ALDH1A1: variants seen among roughly 807,000 people sequenced by gnomAD.
ALDH1A1 encodes aldehyde dehydrogenase 1A1.
A neutral mutation model predicts 62.1 loss-of-function variants in ALDH1A1; 19 were observed. The ratio of observed to expected loss-of-function variants is 0.31; its 90% CI spans 0.21 to 0.45. The LOEUF (loss-of-function observed/expected upper bound fraction) is 0.45, where lower values mean the gene tolerates loss of function less well. Ranked by LOEUF, ALDH1A1 falls within the 20% of genes least tolerant of loss-of-function variation. The pLI, the probability that ALDH1A1 is intolerant of heterozygous loss-of-function variation, is 1.00. For missense variants in ALDH1A1, 521 were observed against 607.1 expected (o/e 0.86, Z 1.49); for synonymous variants, 231 against 215.9 (o/e 1.07, Z -0.61).
chr9:72,950,345 A>C (rs1830530017), intron 1 of ALDH1A1, among the ~76,000 whole-genome samples: 1 of 151,926 alleles, frequency 6.6e-6, no homozygotes, highest in Admixed American at 6.6e-5. Flanking sequence ...GCTCAATAAA[A>C]TGGAAAATGT....
chr9:72,922,007 G>A (rs1045816802), intron 7 of ALDH1A1, among the ~76,000 whole-genome samples: 6 of 152,056 alleles, frequency 3.9e-5, no homozygotes, highest in African/African-American at 1.4e-4. Context: ...GGAATGAAAA[G>A]ATACATGGAA....
intron 8 of ALDH1A1, among the ~76,000 whole-genome samples, chr9:72,918,338 C>A (rs1564628434): frequency 6.6e-6 from 1 of 152,164 alleles, no homozygotes; most frequent in Non-Finnish European, 1.5e-5. Context: ...TGTGAAACTG[C>A]TGTCTCCTCA....
intron 9 of ALDH1A1, 134 bp from the exon 10 acceptor site, chr9:72,912,256 C>T: frequency 1.5e-6 from 1 of 668,160 alleles, no homozygotes; most frequent in South Asian, 2.0e-5. Flanking sequence ...AAACAGCTAA[C>T]AGAGGTTCAG....
intron 2 of ALDH1A1, among the ~76,000 whole-genome samples, chr9:72,935,878 T>C (rs8187906): frequency 0.031 from 4,701 of 152,310 alleles, 123 homozygotes; most frequent in Middle Eastern, 0.075. Flanking sequence ...TTACTAGATT[T>C]GTACCTTTCA....
At chr9:72,910,691 T>C (rs917904919) in intron 10 of ALDH1A1, among the ~76,000 whole-genome samples, 9 of 152,120 alleles carry the variant, frequency 5.9e-5, no homozygotes, top group African/African-American at 2.2e-4. Context: ...TACCAGAATT[T>C]TCTGGGAAAT....
intron 12 of ALDH1A1, among the ~76,000 whole-genome samples, chr9:72,905,577 C>T (rs1829867965): frequency 6.6e-6 from 1 of 152,066 alleles, no homozygotes. Flanking sequence ...ATTCAAATAA[C>T]TAGAGTGTTT....
chr9:72,910,928 C>T (rs1209742189), intron 10 of ALDH1A1, among the ~76,000 whole-genome samples: 1 of 152,128 alleles, frequency 6.6e-6, no homozygotes, highest in African/African-American at 2.4e-5. Flanking sequence ...TAGCTCCAGG[C>T]TCCTACTTTG....
intron 1 of ALDH1A1, chr9:72,942,258 C>A: frequency 2.0e-6 from 2 of 980,362 alleles, no homozygotes; most frequent in Non-Finnish European, 2.4e-6. Context: ...TAGTATTTTT[C>A]TTCTCAAGGG....
rs533983927 is a variant in ALDH1A1 at position 72,913,361 on chromosome 9, G to GA, written c.1036-1240dup. On this transcript the variant is annotated intron_variant, in intron 9 of 12. Coordinates refer to ENST00000297785, the MANE Select transcript of ALDH1A1 (RefSeq NM_000689.5). ...TATTCCTTCATTTCCAGCAGATTAA[G>GA]AAAAAAATAGTGTTAAGAAGAAATA... Among the ~76,000 whole-genome samples, 309 of 152,010 alleles carry GA rather than the reference G, an allele frequency of 2.0e-3. 1 individual carries two copies. The highest frequency in any genetic ancestry group is 6.9e-3 in the African/African-American group (286 of 41,488).
At chr9:72,942,751 T>C (rs1246737381) in intron 1 of ALDH1A1, among the ~76,000 whole-genome samples, 1 of 152,186 alleles carries the variant, frequency 6.6e-6, no homozygotes, top group Non-Finnish European at 1.5e-5. Context: ...AGCATGCTTT[T>C]ATTCACACTG....
intron 5 of ALDH1A1, 197 bp downstream of exon 5, chr9:72,926,918 GA>G: frequency 2.1e-6 from 1 of 477,332 alleles, no homozygotes; most frequent in South Asian, 4.3e-5. Context: ...AGATATGCCA[GA>G]ATATAGATAG....
intron 9 of ALDH1A1, among the ~76,000 whole-genome samples, chr9:72,914,638 A>G (rs890003172): frequency 2.0e-5 from 3 of 152,128 alleles, no homozygotes; most frequent in East Asian, 1.9e-4. Flanking sequence ...CAAGTTTAAG[A>G]CAATATATAT....
chr9:72,908,371 G>T (rs1200618943), intron 11 of ALDH1A1, among the ~76,000 whole-genome samples: 1 of 129,890 alleles, frequency 7.7e-6, no homozygotes. Flanking sequence ...GGAGGCAGAG[G>T]TTGCAGTGAT....
intron 3 of ALDH1A1, among the ~76,000 whole-genome samples, chr9:72,930,260 A>G (rs149648768): frequency 1.7e-3 from 255 of 152,318 alleles, no homozygotes; most frequent in African/African-American, 5.9e-3. Context: ...ATAAACAAAC[A>G]AAAATAGTAT....
At chr9:72,915,521 T>A (rs971876459) in intron 9 of ALDH1A1, among the ~76,000 whole-genome samples, 15 of 152,160 alleles carry the variant, frequency 9.9e-5, no homozygotes, top group African/African-American at 3.6e-4. Flanking sequence ...TTTGAATATA[T>A]CTCTTGGCAT....
At chr9:72,919,761 A>T (rs969671028) in intron 7 of ALDH1A1, among the ~76,000 whole-genome samples, 3 of 152,320 alleles carry the variant, frequency 2.0e-5, no homozygotes, top group East Asian at 1.9e-4. Context: ...GAACAGTGGA[A>T]CTGGATGAAA....
At chr9:72,904,189 A>C (rs1219322831) in intron 12 of ALDH1A1, among the ~76,000 whole-genome samples, 3 of 152,060 alleles carry the variant, frequency 2.0e-5, no homozygotes, top group African/African-American at 4.8e-5. Context: ...AGAATTAGGA[A>C]TCAAATTCAG....
At chr9:72,921,213 G>A (rs1830137885) in intron 7 of ALDH1A1, among the ~76,000 whole-genome samples, 1 of 147,112 alleles carries the variant, frequency 6.8e-6, no homozygotes, top group Admixed American at 6.8e-5. Flanking sequence ...CTGCACTCCA[G>A]CCTGGGTGAC....
chr9:72,921,065 G>A (rs1364310821), intron 7 of ALDH1A1, among the ~76,000 whole-genome samples: 1 of 152,088 alleles, frequency 6.6e-6, no homozygotes, highest in Non-Finnish European at 1.5e-5. Flanking sequence ...GGCTAACACG[G>A]TGAAACCCCA....
Sources: allele counts gnomAD v4.1 joint callset (sites outside exome capture counted in the v4.1 genomes callset), GRCh38; gene constraint gnomAD v4.1.1; transcripts MANE v1.5; gene names NCBI Gene and HGNC (gene_info 2026-07-23, HGNC 2026-07-21).